The following UPRT variants were observed in gnomAD, a reference collection of about 807,000 sequenced individuals.
UPRT encodes RP11-311P8.3.
In UPRT, 5 loss-of-function variants were observed where a neutral mutation model predicts 22.6. The observed-to-expected ratio is 0.22, with a 90% CI of 0.12 to 0.47. UPRT has a LOEUF of 0.47. Ranked by LOEUF, UPRT falls within the 20% of genes least tolerant of loss-of-function variation. The pLI is 0.99. For synonymous variants in UPRT, 77 were observed against 87.7 expected (o/e 0.88, Z 0.68); for missense variants, 181 against 239.9 (o/e 0.75, Z 1.62).
chrX:75,234,486 T>C (rs2082452329), intron 4 of UPRT, among the ~76,000 whole-genome samples: 1 of 111,431 alleles, frequency 9.0e-6, no homozygotes, highest in African/African-American at 3.3e-5. Context: ...AATATACATT[T>C]TTTTCAGCAC....
intron 4 of UPRT, among the ~76,000 whole-genome samples, chrX:75,185,384 G>C (rs905058114): frequency 1.8e-5 from 2 of 111,937 alleles, no homozygotes; most frequent in East Asian, 2.8e-4. Context: ...CTTGATCATG[G>C]TGGATAAGCT....
chrX:75,251,358 G>C (rs2082528934), intron 4 of UPRT, among the ~76,000 whole-genome samples: 1 of 111,813 alleles, frequency 8.9e-6, no homozygotes, highest in African/African-American at 3.3e-5. Flanking sequence ...AGCAACTTCA[G>C]CAAAGTCTCA....
At chrX:75,274,929 A>G in intron 1 of UPRT, among the ~76,000 whole-genome samples, 1 of 109,493 alleles carries the variant, frequency 9.1e-6, no homozygotes, top group Admixed American at 9.8e-5. Flanking sequence ...CCCAGGAAAG[A>G]CAACTCCTTG....
At chrX:75,260,140 C>T (rs757408851) in intron 4 of UPRT, among the ~76,000 whole-genome samples, 1 of 112,108 alleles carries the variant, frequency 8.9e-6, no homozygotes, top group Admixed American at 9.5e-5. Context: ...GGGTACCAGC[C>T]ACTGCAAAAA....
upstream of UPRT, among the ~76,000 whole-genome samples, chrX:75,271,997 A>C (rs1296199871): frequency 1.8e-5 from 2 of 110,286 alleles, no homozygotes; most frequent in Non-Finnish European, 3.8e-5. Context: ...AAAATAGTAG[A>C]TGTTGGCATG....
At chrX:75,234,028 A>G (rs1470615030) in intron 4 of UPRT, among the ~76,000 whole-genome samples, 5 of 111,309 alleles carry the variant, frequency 4.5e-5, no homozygotes, top group Non-Finnish European at 7.5e-5. Context: ...AGTGTGCTGT[A>G]TTCAGGAAAC....
intron 4 of UPRT, among the ~76,000 whole-genome samples, chrX:75,169,218 T>C (rs955964987): frequency 2.7e-5 from 3 of 112,267 alleles, no homozygotes; most frequent in Non-Finnish European, 3.8e-5. Context: ...TTTGCAATTG[T>C]AAATTTTGCT....
intron 4 of UPRT, among the ~76,000 whole-genome samples, chrX:75,171,049 T>C (rs957394748): frequency 9.0e-6 from 1 of 111,593 alleles, no homozygotes; most frequent in Non-Finnish European, 1.9e-5. Context: ...ATGATGTACC[T>C]AGACAATGAT....
At chrX:75,263,520 G>A (rs2082576123) in intron 4 of UPRT, among the ~76,000 whole-genome samples, 1 of 112,004 alleles carries the variant, frequency 8.9e-6, no homozygotes, top group Admixed American at 9.5e-5. Flanking sequence ...TGTGTTTATA[G>A]TATTCTCTGA....
exon 3 of UPRT, among the ~76,000 whole-genome samples, chrX:75,163,202 C>T (rs1467490171): frequency 9.0e-6 from 1 of 111,594 alleles, no homozygotes; most frequent in East Asian, 2.8e-4. Flanking sequence ...TCCTCAGATC[C>T]TTGCCACGTG....
chrX:75,200,501 T>G (rs376329803), intron 4 of UPRT, among the ~76,000 whole-genome samples: 1 of 112,040 alleles, frequency 8.9e-6, no homozygotes, highest in East Asian at 2.8e-4. Context: ...GACTGAGGCA[T>G]GAGAATCACT....
intron 4 of UPRT, among the ~76,000 whole-genome samples, chrX:75,203,166 A>T (rs1312349055): frequency 1.8e-5 from 2 of 111,704 alleles, no homozygotes; most frequent in Non-Finnish European, 3.8e-5. Flanking sequence ...GACAAAACAG[A>T]CTTTAAACCA....
chrX:75,189,590 T>C (rs2082307613), intron 4 of UPRT, among the ~76,000 whole-genome samples: 2 of 111,717 alleles, frequency 1.8e-5, no homozygotes, highest in South Asian at 7.6e-4. Flanking sequence ...GGTGTTAAAC[T>C]CTCCCGTTAT....
chrX:75,289,570 C>T (rs1490439318), intron 1 of UPRT, among the ~76,000 whole-genome samples: 1 of 111,570 alleles, frequency 9.0e-6, no homozygotes, highest in East Asian at 2.8e-4. Flanking sequence ...TACTACAAGG[C>T]CACAGTAACC....
At chrX:75,268,278 CAA>C in intron 4 of UPRT, among the ~76,000 whole-genome samples, 1 of 110,489 alleles carries the variant, frequency 9.1e-6, no homozygotes, top group East Asian at 2.8e-4. Context: ...AGCCTACCAA[CAA>C]AAAAAAGTCC....
intron 4 of UPRT, among the ~76,000 whole-genome samples, chrX:75,241,244 T>TC (rs1348810299): frequency 1.5e-4 from 16 of 109,933 alleles, no homozygotes; most frequent in African/African-American, 5.3e-4. Flanking sequence ...AATGAACAAC[T>TC]CCATCAAAAA....
At chrX:75,207,157 C>G (rs1209507583) in intron 4 of UPRT, among the ~76,000 whole-genome samples, 1 of 111,967 alleles carries the variant, frequency 8.9e-6, no homozygotes, top group African/African-American at 3.2e-5. Flanking sequence ...GTTAGAAAAC[C>G]CCTTTCCTGT....
chrX:75,266,070 A>G (rs1419696870), intron 4 of UPRT, among the ~76,000 whole-genome samples: 1 of 111,543 alleles, frequency 9.0e-6, no homozygotes, highest in Non-Finnish European at 1.9e-5. Flanking sequence ...GACTTTCTTC[A>G]CAGAATTGGA....
intron 4 of UPRT, among the ~76,000 whole-genome samples, chrX:75,237,600 A>G (rs1437488168): frequency 7.2e-5 from 8 of 110,592 alleles, no homozygotes; most frequent in Non-Finnish European, 1.5e-4. Flanking sequence ...CATATACACC[A>G]TGGAATACTA....
Sources: allele counts gnomAD v4.1 joint callset (sites outside exome capture counted in the v4.1 genomes callset), GRCh38; gene constraint gnomAD v4.1.1; transcripts MANE v1.5; gene names NCBI Gene and HGNC (gene_info 2026-07-23, HGNC 2026-07-21).